Variants in ADIPOQ observed in about 807,000 individuals in gnomAD.
ADIPOQ encodes adiponectin, C1Q and collagen domain containing, also known as adiponectin.
A neutral mutation model predicts 16.1 loss-of-function variants in ADIPOQ; 19 were observed. That is an observed-to-expected ratio of 1.18 (90% confidence interval 0.82 to 1.73). The LOEUF is 1.73. Ranked by LOEUF, ADIPOQ falls within the 40% of genes most tolerant of loss-of-function variation. ADIPOQ has a pLI of 0.00. For synonymous variants in ADIPOQ, 124 were observed against 125.5 expected (o/e 0.99, Z 0.08); for missense variants, 323 against 308.3 (o/e 1.05, Z -0.36).
At position 186,855,001 on chromosome 3, in the gene ADIPOQ, G is replaced by T. The variant is rs949254946; in HGVS notation, c.*297G>T. 3.0e-5 allele frequency: 13 copies of T among 437,746 alleles called. No individual in the cohort carries two copies. Among genetic ancestry groups the T allele is most frequent in the Non-Finnish European group, 5.5e-5 (13 of 237,306 alleles). 27.1% of individuals were successfully genotyped at this position (437,746 alleles called of 1,614,324 possible). ...GCTCATATCAATCCTATAAGGCACA[G>T]GGAACAAGCATTCTCCTGTTTTTAC... is the stretch of plus-strand genomic sequence containing the variant. On this transcript the variant is annotated 3_prime_UTR_variant, in exon 3 of 3. Coordinates refer to ENST00000320741, the MANE Select transcript of ADIPOQ (RefSeq NM_004797.4).
chr3:186,843,542 C>A (rs1711506157), intron 1 of ADIPOQ, among the ~76,000 whole-genome samples: 1 of 151,898 alleles, frequency 6.6e-6, no homozygotes, highest in African/African-American at 2.4e-5. Context: ...TGCCTGTAAT[C>A]CCAGCTTCTC....
At chr3:186,844,904 C>T (rs115527175) in intron 1 of ADIPOQ, among the ~76,000 whole-genome samples, 3,023 of 152,070 alleles carry the variant, frequency 0.02, 57 homozygotes, top group South Asian at 0.085. Context: ...CCCAGACATA[C>T]GGCTAAAGTC....
At chr3:186,847,051 T>A (rs889257643) in intron 1 of ADIPOQ, among the ~76,000 whole-genome samples, 2 of 152,248 alleles carry the variant, frequency 1.3e-5, no homozygotes, top group African/African-American at 4.8e-5. Flanking sequence ...TTAACCTTTC[T>A]GAAGTCCCCT....
Position 186,854,170 on chromosome 3 carries a change from T to G in ADIPOQ, c.215-14T>G, listed in dbSNP as rs1212743130. On this transcript the variant is annotated splice_polypyrimidine_tract_variant and intron_variant, in intron 2 of 2. Transcript: ENST00000320741. Reference sequence around the variant, plus strand: ...TCTGTTCTTTGTAGTCACTGAGGTCTTCTCATTCCTTAGGTCTTATTGGTC... The same window carrying G: ...TCTGTTCTTTGTAGTCACTGAGGTCGTCTCATTCCTTAGGTCTTATTGGTC... 3.7e-6 allele frequency: 6 copies of G among 1,611,254 alleles called. No homozygotes were observed. In the Admixed American group the frequency reaches 1.0e-4, roughly 27 times the overall value.
rs1711981428 is a variant in ADIPOQ, at chr3:186,855,863, A to G, written c.*1159A>G. The G allele has an allele frequency of 2.0e-5, 3 of 152,164 alleles. No individual in the cohort carries two copies. The highest frequency in any genetic ancestry group is 2.0e-4 in the Admixed American group (3 of 15,274). 9.4% of individuals were successfully genotyped at this position (152,164 alleles called of 1,614,324 possible). Reference sequence around the variant, plus strand: ...AGGACTGTGCTTCCGTCACCTCTAAATCCCTTGCAGATCCTTGATAAATGC... The same window carrying G: ...AGGACTGTGCTTCCGTCACCTCTAAGTCCCTTGCAGATCCTTGATAAATGC... On this transcript the variant is annotated 3_prime_UTR_variant, in exon 3 of 3. Transcript: ENST00000320741.
intron 1 of ADIPOQ, among the ~76,000 whole-genome samples, chr3:186,850,118 A>C (rs1711698225): frequency 1.3e-5 from 2 of 152,044 alleles, no homozygotes; most frequent in Admixed American, 1.3e-4. Flanking sequence ...AAAAATGCAA[A>C]AATTAGCTGC....
chr3:186,848,859 A>T (rs1265565929), intron 1 of ADIPOQ, among the ~76,000 whole-genome samples: 2 of 152,144 alleles, frequency 1.3e-5, no homozygotes, highest in Admixed American at 1.3e-4. Flanking sequence ...TCCCACCCAG[A>T]ATTAAGTTGG....
At chr3:186,848,260 AGG>A (rs1711636325) in intron 1 of ADIPOQ, among the ~76,000 whole-genome samples, 1 of 127,340 alleles carries the variant, frequency 7.9e-6, no homozygotes, top group Non-Finnish European at 1.7e-5. Flanking sequence ...GAAGGAAGGA[AGG>A]AAGGAAGGAA....
Position 186,854,303 on chromosome 3 carries a change from C to T in ADIPOQ, c.334C>T (p.Arg112Cys), listed in dbSNP as rs121917815. 8.7e-6 allele frequency: 14 copies of T among 1,614,188 alleles called. No individual in the cohort carries two copies. In the East Asian group the frequency reaches 1.1e-4, roughly 13 times the overall value. The change falls in exon 3 of 3, where the codon CGC becomes TGC. Residue 112 changes from arginine (R) to cysteine (C), a missense_variant. Transcript: ENST00000320741. ...GEPGEGAYVY[R>C]SAFSVGLETY... The stretch of plus-strand genomic sequence containing the variant: ...ACCTGGAGAAGGTGCCTATGTATAC[C>T]GCTCAGCATTCAGTGTGGGATTGGA...
At chr3:186,850,038 G>A (rs1198961158) in intron 1 of ADIPOQ, among the ~76,000 whole-genome samples, 3 of 152,166 alleles carry the variant, frequency 2.0e-5, no homozygotes, top group Non-Finnish European at 4.4e-5. Context: ...GGAGCCCAAG[G>A]CGGGCGGATC....
Position 186,854,409 on chromosome 3 carries a change from C to T in ADIPOQ, c.440C>T (p.Thr147Ile), listed in dbSNP as rs1711911851. Residue 147 changes from threonine to isoleucine, a missense_variant, in exon 3 of 3, where the codon ACT (threonine) becomes ATT (isoleucine). Thr to Ile is a moderately conservative substitution (Grantham distance 89). Coordinates refer to ENST00000320741, the MANE Select transcript of ADIPOQ (RefSeq NM_004797.4). Reference sequence around the variant, plus strand: ...CAGCAAAACCACTATGATGGCTCCACTGGTAAATTCCACTGCAACATTCCT... The same window carrying T: ...CAGCAAAACCACTATGATGGCTCCATTGGTAAATTCCACTGCAACATTCCT... ...YNQQNHYDGS[T>I]GKFHCNIPGL... 5 of 1,614,250 alleles carry T rather than the reference C, an allele frequency of 3.1e-6. No homozygotes were observed. The highest frequency in any genetic ancestry group is 4.2e-6 in the Non-Finnish European group (5 of 1,180,056).
In ADIPOQ at chr3:186,853,240, C is replaced by T. The variant is rs775932441; in HGVS notation, c.182C>T (p.Thr61Ile). Residue 61 changes from threonine (T) to isoleucine (I), a missense_variant, in exon 2 of 3, where the codon ACC becomes ATC. Thr to Ile is a moderately conservative substitution (Grantham distance 89). Transcript: ENST00000320741. ...GAPGRDGRDG[T>I]PGEKGEKGDP... is the part of the protein sequence containing the mutation. ...CCAGGCCGTGATGGCAGAGATGGCA[C>T]CCCTGGTGAGAAGGGTGAGAAAGGA... is the stretch of plus-strand genomic sequence containing the variant. The T allele has an allele frequency of 6.8e-6, 11 of 1,611,690 alleles. No homozygotes were observed. The highest frequency in any genetic ancestry group is 9.3e-6 in the Non-Finnish European group (11 of 1,178,904).
rs2108494125 is a variant in ADIPOQ, at chr3:186,857,801, CTT to C, written c.*3098_*3099del. ...TATGTCTTATTGGTGCATTTACTCTCTTATCATTATGTAATGTCCTTCTTTAT... is the reference window on the plus strand; with the variant it reads ...TATGTCTTATTGGTGCATTTACTCTCATCATTATGTAATGTCCTTCTTTAT... On this transcript the variant is annotated 3_prime_UTR_variant, in exon 3 of 3. Transcript: ENST00000320741. The C allele has an allele frequency of 6.6e-6, 1 of 152,244 alleles. No individual in the cohort carries two copies. The highest frequency in any genetic ancestry group is 2.4e-5 in the African/African-American group (1 of 41,550). The allele number at this position is 152,244 out of a possible 1,614,324, so 9.4% of individuals were successfully genotyped here.
intron 2 of ADIPOQ, 139 bp from the exon 3 acceptor site, chr3:186,854,045 T>G: frequency 5.7e-5 from 48 of 842,482 alleles, no homozygotes; most frequent in Non-Finnish European, 8.4e-5. Context: ...CCTCTCTCCT[T>G]TTGGGAGCTC....
intron 1 of ADIPOQ, among the ~76,000 whole-genome samples, chr3:186,843,520 C>T (rs535063052): frequency 7.1e-4 from 108 of 151,978 alleles, no homozygotes; most frequent in Non-Finnish European, 1.4e-3. Flanking sequence ...ATTAGTTGGG[C>T]GTGATGGCAG....
chr3:186,849,677 T>C (rs1711682342), intron 1 of ADIPOQ, among the ~76,000 whole-genome samples: 1 of 152,220 alleles, frequency 6.6e-6, no homozygotes, highest in Admixed American at 6.5e-5. Context: ...CTCTTCTCTC[T>C]GTCTGCCATT....
chr3:186,845,067 TGTGC>T (rs766639034), intron 1 of ADIPOQ, among the ~76,000 whole-genome samples: 71 of 151,828 alleles, frequency 4.7e-4, no homozygotes, highest in Non-Finnish European at 8.5e-4. Context: ...TGAGTGTGTG[TGTGC>T]GCGCGCGCAC....
At position 186,854,296 on chromosome 3, in the gene ADIPOQ, T is replaced by G. The variant is rs569731053; in HGVS notation, c.327T>G (p.Tyr109Ter). 6.2e-7 allele frequency: 1 copy of G among 1,614,128 alleles called. No homozygotes were observed. The highest frequency in any genetic ancestry group is 1.3e-5 in the African/African-American group (1 of 74,946). The change falls in exon 3 of 3, where the codon TAT becomes TAG. Residue 109 changes from tyrosine (Y) to a stop codon, truncating the protein, a stop_gained. Coordinates refer to ENST00000320741, the MANE Select transcript of ADIPOQ (RefSeq NM_004797.4). LOFTEE classifies it high-confidence loss of function. ...AAGGAGAACCTGGAGAAGGTGCCTA[T>G]GTATACCGCTCAGCATTCAGTGTGG... ...GRKGEPGEGA[Y>*]VYRSAFSVGL...
intron 1 of ADIPOQ, among the ~76,000 whole-genome samples, chr3:186,844,143 C>T (rs1378280067): frequency 6.6e-6 from 1 of 152,124 alleles, no homozygotes; most frequent in African/African-American, 2.4e-5. Context: ...ACACAGGGAG[C>T]CCGGCAGCTT....
Sources: gnomAD v4.1 joint callset for allele counts (sites outside exome capture counted in the v4.1 genomes callset) on GRCh38, gnomAD v4.1.1 for gene constraint, MANE v1.5 for transcripts, NCBI Gene and HGNC (gene_info 2026-07-23, HGNC 2026-07-21) for gene names.